MSI2: variants seen among roughly 807,000 people sequenced by gnomAD.
MSI2 encodes RNA-binding protein Musashi homolog 2.
MSI2 carries 17 observed loss-of-function variants against 45.6 expected under a neutral mutation model. That is an observed-to-expected ratio of 0.37 (90% CI 0.26 to 0.56). MSI2 has a LOEUF of 0.56. MSI2 is among the 20% of genes least tolerant of loss of function. The pLI is 0.77. For missense variants in MSI2, 293 were observed against 444.2 expected (o/e 0.66, Z 3.06); for synonymous variants, 156 against 158.2 (o/e 0.99, Z 0.11).
intron 10 of MSI2, among the ~76,000 whole-genome samples, chr17:57,641,145 G>A (rs1910226205): frequency 6.6e-6 from 1 of 152,190 alleles, no homozygotes. Flanking sequence ...GGTGGTGTCT[G>A]CCCTTCAACA....
rs369130856 is a variant in MSI2 at position 57,257,410 on chromosome 17, CT to C, written c.104-47del. 1.8e-3 allele frequency: 1,765 copies of C among 982,526 alleles called. 13 individuals are homozygous for C. Among genetic ancestry groups the C allele is most frequent in the Middle Eastern group, 7.8e-3 (36 of 4,632 alleles). 60.9% of individuals were successfully genotyped at this position (982,526 alleles called of 1,614,324 possible). On this transcript the variant is annotated intron_variant, in intron 2 of 13. Coordinates refer to ENST00000284073, the MANE Select transcript of MSI2 (RefSeq NM_138962.4). ...TTGTCCTTGATCAAAATTTGCATTG[CT>C]TTTTTTTTCCACACCTTCTCTCCCC...
chr17:57,303,862 A>G (rs879301356), intron 5 of MSI2, among the ~76,000 whole-genome samples: 53 of 152,188 alleles, frequency 3.5e-4, no homozygotes, highest in Non-Finnish European at 1.2e-4. Context: ...TTAATTGTCA[A>G]AGGAAGTAGA....
chr17:57,482,672 T>C (rs2085671367), intron 6 of MSI2, among the ~76,000 whole-genome samples: 3 of 152,260 alleles, frequency 2.0e-5, no homozygotes, highest in South Asian at 2.1e-4. Flanking sequence ...GGGTGGTCCC[T>C]TCCTTCTTTA....
chr17:57,693,335 C>T, the MSI2 span, among the ~76,000 whole-genome samples: 21 of 152,148 alleles, frequency 1.4e-4, 1 homozygote, highest in South Asian at 6.2e-4. Context: ...AGTGTGTGCA[C>T]CACACCTGGC....
intron 5 of MSI2, among the ~76,000 whole-genome samples, chr17:57,321,784 G>T (rs1312305069): frequency 6.6e-6 from 1 of 152,078 alleles, no homozygotes; most frequent in East Asian, 1.9e-4. Context: ...GGGCAACTTT[G>T]CCATGGATTT....
intron 10 of MSI2, among the ~76,000 whole-genome samples, chr17:57,647,842 A>G (rs1000022412): frequency 1.3e-5 from 2 of 151,904 alleles, no homozygotes; most frequent in Non-Finnish European, 2.9e-5. Context: ...GGGTTTCACT[A>G]TGTTGGCCAG....
At chr17:57,327,024 G>A (rs779774415) in intron 5 of MSI2, among the ~76,000 whole-genome samples, 5 of 152,192 alleles carry the variant, frequency 3.3e-5, no homozygotes, top group Non-Finnish European at 7.3e-5. Context: ...GTGTTTTACT[G>A]AGTGCCAAAT....
chr17:57,315,214 G>A (rs1912755762), intron 5 of MSI2, among the ~76,000 whole-genome samples: 2 of 152,152 alleles, frequency 1.3e-5, no homozygotes, highest in African/African-American at 4.8e-5. Flanking sequence ...ATGGTCTTTG[G>A]AGCCAAAAGC....
chr17:57,295,437 A>G (rs1307835248), intron 5 of MSI2, among the ~76,000 whole-genome samples: 1 of 151,930 alleles, frequency 6.6e-6, no homozygotes, highest in Non-Finnish European at 1.5e-5. Flanking sequence ...ACAAATAAGA[A>G]CTCAGTTTCT....
chr17:57,603,419 C>T (rs1464477760), intron 8 of MSI2, among the ~76,000 whole-genome samples: 1 of 152,226 alleles, frequency 6.6e-6, no homozygotes, highest in Non-Finnish European at 1.5e-5. Flanking sequence ...GATTCTGTAA[C>T]CACAGGCGAG....
intron 4 of MSI2, among the ~76,000 whole-genome samples, chr17:57,261,903 A>G (rs1417185567): frequency 6.6e-6 from 1 of 152,222 alleles, no homozygotes; most frequent in Non-Finnish European, 1.5e-5. Context: ...TGGTTTATTA[A>G]GAGCATCACA....
chr17:57,673,976 A>AT (rs1913018678), intron 11 of MSI2, among the ~76,000 whole-genome samples: 1 of 151,600 alleles, frequency 6.6e-6, no homozygotes. Flanking sequence ...AAGGAAAAAA[A>AT]GTTTAAATCC....
intron 4 of MSI2, 40 bp downstream of exon 4, chr17:57,258,394 G>T: frequency 7.2e-6 from 11 of 1,520,438 alleles, no homozygotes; most frequent in Non-Finnish European, 1.0e-5. Flanking sequence ...CCCTTTTCAG[G>T]AACGATCTGG....
chr17:57,591,055 G>T (rs970629315), intron 7 of MSI2, among the ~76,000 whole-genome samples: 1 of 152,204 alleles, frequency 6.6e-6, no homozygotes, highest in Non-Finnish European at 1.5e-5. Context: ...CCTGGAGCAG[G>T]ATCCCTGCTT....
intron 8 of MSI2, among the ~76,000 whole-genome samples, chr17:57,611,577 C>T (rs1330537981): frequency 1.0e-5 from 1 of 96,978 alleles, no homozygotes; most frequent in Non-Finnish European, 2.5e-5. Context: ...TGGGAGGGAA[C>T]ACTGTGAGTC....
At chr17:57,302,407 C>T (rs1014121178) in intron 5 of MSI2, among the ~76,000 whole-genome samples, 7 of 152,088 alleles carry the variant, frequency 4.6e-5, no homozygotes, top group South Asian at 2.1e-4. Flanking sequence ...ACGGTGTGCC[C>T]GGCCTAGTTA....
intron 5 of MSI2, among the ~76,000 whole-genome samples, chr17:57,301,850 G>A (rs947670365): frequency 6.6e-6 from 1 of 151,908 alleles, no homozygotes; most frequent in Non-Finnish European, 1.5e-5. Context: ...ACCAGAATGT[G>A]TATCTAGGAG....
chr17:57,473,136 G>GCC (rs1244137883), intron 6 of MSI2, among the ~76,000 whole-genome samples: 1 of 152,170 alleles, frequency 6.6e-6, no homozygotes, highest in Admixed American at 6.5e-5. Flanking sequence ...CAGGTGATCT[G>GCC]CCCGCCTCAG....
rs1479404329 is a variant in MSI2 at position 57,590,885 on chromosome 17, G to T, written c.455-5983G>T. Among the ~76,000 whole-genome samples, 3 of 152,160 alleles carry T rather than the reference G, an allele frequency of 2.0e-5. No homozygotes were observed. The East Asian group carries it at 5.8e-4, about 29-fold the overall frequency. ...TCCCTGGGTCTCCTCTCCATCCTGG[G>T]TGGTGGCTTGAGTGAGTTTAAATAC... is the stretch of plus-strand genomic sequence containing the variant. On this transcript the variant is annotated intron_variant, in intron 7 of 13. Coordinates refer to ENST00000284073, the MANE Select transcript of MSI2 (RefSeq NM_138962.4).
Sources: allele counts gnomAD v4.1 joint callset (sites outside exome capture counted in the v4.1 genomes callset), GRCh38; gene constraint gnomAD v4.1.1; transcripts MANE v1.5; gene names NCBI Gene and HGNC (gene_info 2026-07-23, HGNC 2026-07-21).